ASPH: variants seen among roughly 807,000 people sequenced by gnomAD.
The protein encoded by ASPH is aspartate beta-hydroxylase.
ASPH carries 100 observed loss-of-function variants against 118.4 expected under a neutral mutation model. The observed-to-expected ratio is 0.84, with a 90% CI of 0.72 to 1.00. ASPH has a LOEUF of 1.00. ASPH is among the 50% of genes least tolerant of loss of function. The probability of loss-of-function intolerance (pLI) is 0.00; values close to 1 mark genes in which losing one functional copy is unlikely to be tolerated. For synonymous variants in ASPH, 315 were observed against 325.6 expected (o/e 0.97, Z 0.35); for missense variants, 920 against 919.5 (o/e 1.00, Z -0.01).
intron 21 of ASPH, among the ~76,000 whole-genome samples, chr8:61,542,745 T>A (rs923856012): frequency 4.6e-5 from 7 of 152,206 alleles, no homozygotes; most frequent in African/African-American, 1.7e-4. Flanking sequence ...TTTATGTCAA[T>A]CTAAAGAACT....
intron 17 of ASPH, among the ~76,000 whole-genome samples, chr8:61,566,226 G>T (rs755307126): frequency 2.2e-4 from 34 of 152,202 alleles, no homozygotes; most frequent in Non-Finnish European, 4.6e-4. Flanking sequence ...GGAGGAAGTT[G>T]CTTCCAACCC....
At chr8:61,710,844 T>C (rs1837900307) in intron 1 of ASPH, among the ~76,000 whole-genome samples, 1 of 152,106 alleles carries the variant, frequency 6.6e-6, no homozygotes, top group Non-Finnish European at 1.5e-5. Context: ...TAAGAGACAC[T>C]CAAAGTAGAA....
chr8:61,541,280 C>T (rs568515252), intron 21 of ASPH, among the ~76,000 whole-genome samples: 158 of 152,240 alleles, frequency 1.0e-3, no homozygotes, highest in African/African-American at 3.6e-3. Flanking sequence ...AGGAGAATAG[C>T]GTGAACCCGC....
intron 21 of ASPH, among the ~76,000 whole-genome samples, chr8:61,529,820 T>C (rs73261115): frequency 0.016 from 2,413 of 152,346 alleles, 62 homozygotes; most frequent in African/African-American, 0.055. Flanking sequence ...ACCTTCTAGC[T>C]GCCTCGACAA....
At chr8:61,647,858 T>G (rs1487392028) in intron 5 of ASPH, among the ~76,000 whole-genome samples, 1 of 152,224 alleles carries the variant, frequency 6.6e-6, no homozygotes. Flanking sequence ...CTGCTTCTTT[T>G]GTGTAGAGGT....
intron 1 of ASPH, among the ~76,000 whole-genome samples, chr8:61,702,330 C>G (rs1484615746): frequency 6.1e-5 from 9 of 147,670 alleles, no homozygotes; most frequent in African/African-American, 1.5e-4. Flanking sequence ...TGTCGCCCAG[C>G]CTGGAGTGCA....
chr8:61,576,594 AT>A, intron 16 of ASPH, 177 bp downstream of exon 16: 3 of 511,728 alleles, frequency 5.9e-6, no homozygotes, highest in Non-Finnish European at 1.0e-5. Flanking sequence ...GCAGAAAAAA[AT>A]GTTACTAAAT....
intron 3 of ASPH, chr8:61,656,103 C>T (rs1271456940): frequency 2.6e-5 from 4 of 152,088 alleles, no homozygotes; most frequent in African/African-American, 9.7e-5. Context: ...AAAGTAAATG[C>T]ATATAAGCTC....
At chr8:61,635,908 C>G (rs1336408584) in intron 12 of ASPH, among the ~76,000 whole-genome samples, 1 of 152,132 alleles carries the variant, frequency 6.6e-6, no homozygotes, top group African/African-American at 2.4e-5. Context: ...GAAAGTAATT[C>G]ACTTTCACAT....
At chr8:61,555,786 T>C in intron 19 of ASPH, 138 bp downstream of exon 19, 5 of 698,362 alleles carry the variant, frequency 7.2e-6, no homozygotes, top group Non-Finnish European at 9.4e-6. Context: ...CTTATGAATG[T>C]CATGGTCTGA....
At chr8:61,586,203 C>G (rs930302096) in intron 14 of ASPH, among the ~76,000 whole-genome samples, 2 of 152,160 alleles carry the variant, frequency 1.3e-5, no homozygotes, top group African/African-American at 4.8e-5. Context: ...AACTCCTTCT[C>G]CCTGCTGCTC....
At chr8:61,652,114 T>C (rs1649930065) in intron 4 of ASPH, among the ~76,000 whole-genome samples, 1 of 152,230 alleles carries the variant, frequency 6.6e-6, no homozygotes, top group Non-Finnish European at 1.5e-5. Flanking sequence ...TAATAAATGT[T>C]TATATTTCAC....
chr8:61,653,359 T>C (rs930772352), intron 4 of ASPH, among the ~76,000 whole-genome samples: 2 of 152,248 alleles, frequency 1.3e-5, no homozygotes, highest in African/African-American at 4.8e-5. Context: ...AGAACAACTG[T>C]CTGCCTTAGA....
chr8:61,665,421 C>A, intron 3 of ASPH: 2 of 1,608,012 alleles, frequency 1.2e-6, no homozygotes, highest in Non-Finnish European at 1.7e-6. Flanking sequence ...TCTAGGTCCA[C>A]TTTCTCTTTT....
At chr8:61,549,950 T>C (rs1287962459) in intron 20 of ASPH, among the ~76,000 whole-genome samples, 2 of 152,198 alleles carry the variant, frequency 1.3e-5, no homozygotes, top group Non-Finnish European at 2.9e-5. Context: ...GCTAGATGTC[T>C]GGGCAAGTTA....
At chr8:61,588,730 T>C (rs1418738723) in intron 14 of ASPH, among the ~76,000 whole-genome samples, 1 of 152,212 alleles carries the variant, frequency 6.6e-6, no homozygotes, top group Non-Finnish European at 1.5e-5. Flanking sequence ...TTAAATTCAC[T>C]GGGATGCCCT....
intron 21 of ASPH, among the ~76,000 whole-genome samples, chr8:61,540,742 A>G (rs1390652430): frequency 1.3e-5 from 2 of 152,164 alleles, no homozygotes; most frequent in Non-Finnish European, 2.9e-5. Flanking sequence ...CCCTGCCTTC[A>G]GGAAAACTGC....
At chr8:61,525,943 G>T in intron 22 of ASPH, 34 bp downstream of exon 22, 2 of 1,612,236 alleles carry the variant, frequency 1.2e-6, no homozygotes, top group Non-Finnish European at 1.7e-6. Context: ...TCAGGTTTGG[G>T]CTGCAGAGAA....
At chr8:61,663,137 A>C in intron 3 of ASPH, 1 of 985,382 alleles carries the variant, frequency 1.0e-6, no homozygotes, top group Non-Finnish European at 1.2e-6. Flanking sequence ...TGGTTTGAGA[A>C]TCGTGTAACT....
Sources: gnomAD v4.1 joint callset for allele counts (sites outside exome capture counted in the v4.1 genomes callset) on GRCh38, gnomAD v4.1.1 for gene constraint, MANE v1.5 for transcripts, NCBI Gene and HGNC (gene_info 2026-07-23, HGNC 2026-07-21) for gene names.